The following IGFBP6 variants were observed in gnomAD, a reference collection of about 807,000 sequenced individuals.
IGFBP6 encodes the protein insulin-like growth factor-binding protein 6.
In IGFBP6, 24 loss-of-function variants were observed where a neutral mutation model predicts 24.5. That is an observed-to-expected ratio of 0.98 (90% CI 0.71 to 1.38). IGFBP6 has a LOEUF of 1.38. Among genes scored for constraint, IGFBP6 ranks in the 40% most tolerant of loss-of-function variants. IGFBP6 has a pLI of 0.00. For missense variants in IGFBP6, 331 were observed against 324.8 expected (o/e 1.02, Z -0.15); for synonymous variants, 147 against 137.4 (o/e 1.07, Z -0.49).
chr12:53,101,788 A>G (rs953700879), intron 3 of IGFBP6, among the ~76,000 whole-genome samples: 9 of 150,940 alleles, frequency 6.0e-5, no homozygotes, highest in Non-Finnish European at 1.2e-4. Context: ...AATCCCAGCT[A>G]CTCAGGAGGC....
intron 1 of IGFBP6, among the ~76,000 whole-genome samples, chr12:53,098,319 C>T (rs1486596012): frequency 1.3e-5 from 2 of 152,144 alleles, no homozygotes; most frequent in East Asian, 1.9e-4. Context: ...AGTGTGCGTG[C>T]AGGTGGGAAC....
intron 1 of IGFBP6, among the ~76,000 whole-genome samples, chr12:53,098,341 A>G (rs1362758645): frequency 1.3e-5 from 2 of 152,128 alleles, no homozygotes; most frequent in East Asian, 1.9e-4. Context: ...TGGGGGAGGC[A>G]GGGGGAGAAA....
intron 1 of IGFBP6, among the ~76,000 whole-genome samples, chr12:53,100,135 C>G (rs1391220087): frequency 6.6e-6 from 1 of 152,194 alleles, no homozygotes; most frequent in Non-Finnish European, 1.5e-5. Context: ...GCTGGGATGA[C>G]AGGCATGAGC....
chr12:53,100,238 C>T lies in IGFBP6; in HGVS notation c.335-474C>T, dbSNP rs573524289. ...GCAGTAGCACAATCATGGCTCACTGCAGTCTTGACTTCTGGGGCTCAAGCA... is the reference window on the plus strand; with the variant it reads ...GCAGTAGCACAATCATGGCTCACTGTAGTCTTGACTTCTGGGGCTCAAGCA... On this transcript the variant is annotated intron_variant, in intron 1 of 3. Coordinates refer to ENST00000301464, the MANE Select transcript of IGFBP6 (RefSeq NM_002178.3). 1.1e-4 allele frequency among the ~76,000 whole-genome samples: 16 copies of T among 152,342 alleles called. No individual in the cohort carries two copies. In the South Asian group the frequency reaches 3.1e-3, roughly 30 times the overall value.
At chr12:53,098,464 AAG>A (rs1453097347) in intron 1 of IGFBP6, among the ~76,000 whole-genome samples, 2 of 152,178 alleles carry the variant, frequency 1.3e-5, no homozygotes, top group African/African-American at 2.4e-5. Context: ...ACTTGGAGAA[AAG>A]GGGAGGGGAA....
intron 1 of IGFBP6, among the ~76,000 whole-genome samples, chr12:53,098,332 G>C (rs1181120734): frequency 3.3e-5 from 5 of 152,214 alleles, no homozygotes; most frequent in Non-Finnish European, 7.3e-5. Context: ...GTGGGAACTT[G>C]GGGGAGGCAG....
rs745407783 is a variant in IGFBP6, at chr12:53,101,103, G to T, written c.543G>T (p.Gly181=). 2.8e-5 allele frequency: 46 copies of T among 1,614,062 alleles called. No homozygotes were observed. Among genetic ancestry groups the T allele is most frequent in the Non-Finnish European group, 2.9e-5 (34 of 1,180,042 alleles). Reference sequence around the variant, plus strand: ...AACTCCAGACTGAGGTCTACCGAGGGGCTCAAACACTCTACGTGCCCAATT... The same window carrying T: ...AACTCCAGACTGAGGTCTACCGAGGTGCTCAAACACTCTACGTGCCCAATT... ...LQQLQTEVYR[G]AQTLYVPNCD... Residue 181 remains glycine (G), a synonymous_variant, in exon 3 of 4, where the codon GGG becomes GGT. Coordinates refer to ENST00000301464, the MANE Select transcript of IGFBP6 (RefSeq NM_002178.3).
intron 1 of IGFBP6, among the ~76,000 whole-genome samples, chr12:53,100,222 C>CA: frequency 6.6e-6 from 1 of 152,342 alleles, no homozygotes; most frequent in East Asian, 1.9e-4. Context: ...TGCAGTAGCA[C>CA]AATCATGGCT....
intron 1 of IGFBP6, 151 bp downstream of exon 1, chr12:53,098,202 AG>A (rs1937774662): frequency 2.1e-6 from 2 of 970,826 alleles, no homozygotes; most frequent in Non-Finnish European, 2.8e-6. Flanking sequence ...GTGGGGGAGA[AG>A]GGGCAAGTGC....
At chr12:53,100,614 G>GC in intron 1 of IGFBP6, 98 bp from the exon 2 acceptor site, 1 of 1,185,578 alleles carries the variant, frequency 8.4e-7, no homozygotes, top group Non-Finnish European at 1.2e-6. Flanking sequence ...GGGGCATAAG[G>GC]CCCTCCCTTC....
chr12:53,097,791 C>G lies in IGFBP6; in HGVS notation c.74C>G (p.Ala25Gly). The change falls in exon 1 of 4, where the codon GCC (alanine) becomes GGC (glycine). Residue 25 changes from alanine (A) to glycine (G), a missense_variant. By Grantham distance (60) the Ala-to-Gly change is moderately conservative. Transcript: ENST00000301464. Reference sequence around the variant, plus strand: ...CTGCTCGCTGCCAGCCCAGGAGGCGCCTTGGCGCGGTGCCCAGGCTGCGGG... The same window carrying G: ...CTGCTCGCTGCCAGCCCAGGAGGCGGCTTGGCGCGGTGCCCAGGCTGCGGG... ...ALLLAASPGGALARCPGCGQG... is the reference protein window; with the variant it reads ...ALLLAASPGGGLARCPGCGQG... 4 of 1,544,096 alleles carry G rather than the reference C, an allele frequency of 2.6e-6. No homozygotes were observed.
chr12:53,101,245 A>G, intron 3 of IGFBP6, 85 bp downstream of exon 3: 1 of 1,353,164 alleles, frequency 7.4e-7, no homozygotes, highest in African/African-American at 1.4e-5. Flanking sequence ...AGCTGCATAA[A>G]TAAGACACTG....
rs993615860 is a variant in IGFBP6 at position 53,098,012 on chromosome 12, C to T, written c.295C>T (p.Leu99Phe). Residue 99 changes from leucine (L) to phenylalanine (F), a missense_variant, in exon 1 of 4, where the codon CTC becomes TTC. Transcript: ENST00000301464. Reference sequence around the variant, plus strand: ...CGAGGCGCCTTTGCGGGCGCTGCTGCTCGGCCGAGGCCGCTGCCTTCCGGC... The same window carrying T: ...CGAGGCGCCTTTGCGGGCGCTGCTGTTCGGCCGAGGCCGCTGCCTTCCGGC... Reference protein sequence around the residue: ...DDEAPLRALLLGRGRCLPARA... With the variant: ...DDEAPLRALLFGRGRCLPARA... The T allele has an allele frequency of 9.9e-6, 15 of 1,508,660 alleles. No individual in the cohort carries two copies. The highest frequency in any genetic ancestry group is 2.1e-5 in the Admixed American group (1 of 47,842). 93.5% of individuals were successfully genotyped at this position (1,508,660 alleles called of 1,614,324 possible). A position where few individuals can be genotyped will look rare whatever the true frequency, so the allele number is the denominator to read the frequency against.
At position 53,102,108 on chromosome 12, in the gene IGFBP6, C is replaced by T. The variant is rs750344949; in HGVS notation, c.664C>T (p.Leu222=). Residue 222 remains leucine, a synonymous_variant, in exon 4 of 4, where the codon CTG becomes TTG. Transcript: ENST00000301464. The stretch of plus-strand genomic sequence containing the variant: ...GTGTGTGGATCGGATGGGCAAGTCC[C>T]TGCCAGGGTCTCCAGATGGCAATGG... The part of the protein sequence containing the change: ...CWCVDRMGKS[L]PGSPDGNGSS... 1.2e-6 allele frequency: 2 copies of T among 1,613,708 alleles called. No homozygotes were observed. Among genetic ancestry groups the T allele is most frequent in the Non-Finnish European group, 1.7e-6 (2 of 1,179,870 alleles).
rs1937818995 is a variant in IGFBP6, at chr12:53,101,082, C to T, written c.522C>T (p.Leu174=). 2 of 1,614,098 alleles carry T rather than the reference C, an allele frequency of 1.2e-6. No individual in the cohort carries two copies. Among genetic ancestry groups the T allele is most frequent in the Non-Finnish European group, 1.7e-6 (2 of 1,180,036 alleles). Residue 174 remains leucine (L), a synonymous_variant, in exon 3 of 4, where the codon CTC becomes CTT. Coordinates refer to ENST00000301464, the MANE Select transcript of IGFBP6 (RefSeq NM_002178.3). ...ATCTGGACTCAGTGCTGCAGCAACTCCAGACTGAGGTCTACCGAGGGGCTC... is the reference window on the plus strand; with the variant it reads ...ATCTGGACTCAGTGCTGCAGCAACTTCAGACTGAGGTCTACCGAGGGGCTC... The part of the protein sequence containing the change: ...RRHLDSVLQQ[L]QTEVYRGAQT...
Position 53,101,028 on chromosome 12 carries a change from C to T in IGFBP6, c.481-13C>T, listed in dbSNP as rs1167628049. The T allele has an allele frequency of 6.2e-7, 1 of 1,613,250 alleles. No individual in the cohort carries two copies. Among genetic ancestry groups the T allele is most frequent in the South Asian group, 1.1e-5 (1 of 91,076 alleles). ...CTGGAGCGGTTCTAAGCTGCCTACT[C>T]TCCCTTCCCCAGGGCCCATGCCGTA... On this transcript the variant is annotated splice_polypyrimidine_tract_variant and intron_variant, in intron 2 of 3. Transcript: ENST00000301464.
At chr12:53,100,436 A>G (rs150197405) in intron 1 of IGFBP6, among the ~76,000 whole-genome samples, 2 of 152,400 alleles carry the variant, frequency 1.3e-5, no homozygotes, top group East Asian at 1.9e-4. Flanking sequence ...TTCTGGGATT[A>G]CAGGCGTGAG....
intron 1 of IGFBP6, among the ~76,000 whole-genome samples, chr12:53,100,103 G>T (rs2121235881): frequency 6.6e-6 from 1 of 152,050 alleles, no homozygotes; most frequent in African/African-American, 2.4e-5. Context: ...CAAGTGATCT[G>T]CCCACCTTGG....
chr12:53,102,070 G>A lies in IGFBP6; in HGVS notation c.626G>A (p.Arg209Gln), dbSNP rs561894276. The change falls in exon 4 of 4, where the codon CGA (arginine) becomes CAA (glutamine). Residue 209 changes from arginine (R) to glutamine (Q), a missense_variant. Transcript: ENST00000301464. ...TGCCGCTCCTCCCAGGGGCAGCGCC[G>A]AGGTCCCTGCTGGTGTGTGGATCGG... ...RQCRSSQGQR[R>Q]GPCWCVDRMG... 12 of 1,613,912 alleles carry A rather than the reference G, an allele frequency of 7.4e-6. No individual in the cohort carries two copies. Among genetic ancestry groups the A allele is most frequent in the South Asian group, 4.4e-5 (4 of 91,080 alleles).
Sources: gnomAD v4.1 joint callset for allele counts (sites outside exome capture counted in the v4.1 genomes callset) on GRCh38, gnomAD v4.1.1 for gene constraint, MANE v1.5 for transcripts, NCBI Gene and HGNC (gene_info 2026-07-23, HGNC 2026-07-21) for gene names.